The following DISC1 variants were observed in gnomAD, a reference collection of about 807,000 sequenced individuals.
The protein encoded by DISC1 is DISC1 scaffold protein.
DISC1 carries 57 observed loss-of-function variants against 84.5 expected under a neutral mutation model. The ratio of observed to expected loss-of-function variants is 0.67; its 90% CI spans 0.55 to 0.84. The LOEUF (loss-of-function observed/expected upper bound fraction) is 0.84. DISC1 is among the 40% of genes least tolerant of loss of function. The probability of loss-of-function intolerance (pLI) is 0.00; values close to 1 mark genes in which losing one functional copy is unlikely to be tolerated. For synonymous variants in DISC1, 411 were observed against 415.2 expected (o/e 0.99, Z 0.12); for missense variants, 1,000 against 1,057.8 (o/e 0.95, Z 0.76).
intron 7 of DISC1, among the ~76,000 whole-genome samples, chr1:231,799,383 C>A (rs373171226): frequency 2.6e-5 from 4 of 152,086 alleles, no homozygotes; most frequent in South Asian, 2.1e-4. Flanking sequence ...TTATTCACTG[C>A]GTACTATGTG....
At chr1:231,817,706 A>G (rs1480707201) in intron 8 of DISC1, among the ~76,000 whole-genome samples, 1 of 152,166 alleles carries the variant, frequency 6.6e-6, no homozygotes, top group Non-Finnish European at 1.5e-5. Flanking sequence ...TAGACATAAG[A>G]TTGATGTTTG....
chr1:231,898,959 A>G (rs919469635), intron 9 of DISC1, among the ~76,000 whole-genome samples: 7 of 151,950 alleles, frequency 4.6e-5, no homozygotes, highest in Non-Finnish European at 7.4e-5. Context: ...AAATGAAACA[A>G]AACAAAAAAA....
intron 10 of DISC1, among the ~76,000 whole-genome samples, chr1:232,005,010 T>TTCCA (rs1667220373): frequency 8.8e-6 from 1 of 114,036 alleles, no homozygotes; most frequent in African/African-American, 3.6e-5. Context: ...CCTTCCTTCC[T>TTCCA]TCCCTCTCTC....
At chr1:231,870,889 T>C (rs973226433) in intron 9 of DISC1, among the ~76,000 whole-genome samples, 8 of 152,256 alleles carry the variant, frequency 5.3e-5, no homozygotes, top group African/African-American at 1.9e-4. Context: ...AAATATTTTC[T>C]TCAAACTTAT....
intron 3 of DISC1, chr1:231,702,226 A>G: frequency 7.6e-7 from 1 of 1,313,234 alleles, no homozygotes; most frequent in Non-Finnish European, 9.7e-7. Flanking sequence ...CCTTTGGGTT[A>G]TAAATATAAC....
At chr1:231,779,150 G>A (rs75800712) in intron 6 of DISC1, among the ~76,000 whole-genome samples, 1,894 of 152,136 alleles carry the variant, frequency 0.012, 19 homozygotes, top group Non-Finnish European at 0.021. Flanking sequence ...TTTCTCTAGC[G>A]GCTAAACGAG....
chr1:231,829,602 G>T (rs1322782), intron 9 of DISC1, among the ~76,000 whole-genome samples: 130,610 of 152,166 alleles, frequency 0.86, 56,168 homozygotes, highest in Non-Finnish European at 0.88. Flanking sequence ...TCCACCTGCC[G>T]TGGCTTCCAA....
intron 1 of DISC1, among the ~76,000 whole-genome samples, chr1:231,644,237 A>G: frequency 6.6e-6 from 1 of 152,058 alleles, no homozygotes; most frequent in East Asian, 1.9e-4. Flanking sequence ...TATAACCCCC[A>G]CCCTGCCCAT....
chr1:231,783,453 T>C (rs961619645), intron 6 of DISC1, among the ~76,000 whole-genome samples: 3 of 152,148 alleles, frequency 2.0e-5, no homozygotes, highest in African/African-American at 7.2e-5. Flanking sequence ...ACCACCAAAA[T>C]CTCCTACAGA....
chr1:231,861,943 A>C (rs887428929), intron 9 of DISC1, among the ~76,000 whole-genome samples: 1 of 151,912 alleles, frequency 6.6e-6, no homozygotes, highest in African/African-American at 2.4e-5. Flanking sequence ...CCAGTTCTCC[A>C]GGAAAAAAAA....
intron 3 of DISC1, among the ~76,000 whole-genome samples, chr1:231,705,854 A>T (rs980253207): frequency 6.6e-6 from 1 of 151,944 alleles, no homozygotes; most frequent in African/African-American, 2.4e-5. Flanking sequence ...GTCTCAGGGG[A>T]AGGGGTCTGC....
chr1:231,764,792 T>G (rs1231501122), intron 4 of DISC1, among the ~76,000 whole-genome samples: 2 of 152,222 alleles, frequency 1.3e-5, no homozygotes, highest in Non-Finnish European at 2.9e-5. Flanking sequence ...TAAGTCTCAT[T>G]CTTATTCCCT....
intron 9 of DISC1, among the ~76,000 whole-genome samples, chr1:231,933,907 C>T (rs9431726): frequency 0.3 from 45,397 of 152,060 alleles, 7,594 homozygotes; most frequent in East Asian, 0.71. Flanking sequence ...CCCTTGAGAC[C>T]GGCACTACTT....
chr1:231,853,682 C>G (rs1393047696), intron 9 of DISC1, among the ~76,000 whole-genome samples: 2 of 152,146 alleles, frequency 1.3e-5, no homozygotes, highest in African/African-American at 4.8e-5. Flanking sequence ...GAGGAAGGTA[C>G]TGGCTTCTTG....
intron 9 of DISC1, among the ~76,000 whole-genome samples, chr1:231,930,784 G>A (rs924210173): frequency 7.9e-5 from 12 of 152,210 alleles, no homozygotes; most frequent in African/African-American, 2.9e-4. Flanking sequence ...CAGCTGTTTG[G>A]CTAAAGGAAA....
intron 6 of DISC1, among the ~76,000 whole-genome samples, chr1:231,772,546 G>T (rs2076634050): frequency 6.6e-6 from 1 of 152,154 alleles, no homozygotes; most frequent in South Asian, 2.1e-4. Context: ...GCCGATTTGA[G>T]GAAAGGGGTG....
At chr1:231,951,792 G>A (rs1375434615) in intron 9 of DISC1, among the ~76,000 whole-genome samples, 1 of 152,122 alleles carries the variant, frequency 6.6e-6, no homozygotes, top group Non-Finnish European at 1.5e-5. Flanking sequence ...GAGGCAGGGT[G>A]TGGTGGCTCA....
chr1:231,800,100 C>T lies in DISC1; in HGVS notation c.1690-8C>T, dbSNP rs367662436. The T allele has an allele frequency of 2.5e-6, 4 of 1,600,884 alleles. No individual in the cohort carries two copies. Among genetic ancestry groups the T allele is most frequent in the Non-Finnish European group, 3.4e-6 (4 of 1,170,668 alleles). On this transcript the variant is annotated splice_polypyrimidine_tract_variant and splice_region_variant and intron_variant, in intron 7 of 12. Transcript: ENST00000439617. The stretch of plus-strand genomic sequence containing the variant: ...AATGATGATTCCTGGTCATTTCTCT[C>T]CCCCTAGGTGTGTATGAGTGAGAAA...
chr1:231,718,146 C>T (rs932792505), intron 3 of DISC1, among the ~76,000 whole-genome samples: 3 of 152,162 alleles, frequency 2.0e-5, no homozygotes, highest in Admixed American at 1.3e-4. Context: ...GTTGTCTGGA[C>T]ACACGCACTC....
Sources: gnomAD v4.1 joint callset for allele counts (sites outside exome capture counted in the v4.1 genomes callset) on GRCh38, gnomAD v4.1.1 for gene constraint, MANE v1.5 for transcripts, NCBI Gene and HGNC (gene_info 2026-07-23, HGNC 2026-07-21) for gene names.